GCC2: variants seen among roughly 807,000 people sequenced by gnomAD.
GCC2 encodes GRIP and coiled-coil domain-containing protein 2.
Under a neutral mutation model 210.6 loss-of-function variants are expected in GCC2, and 120 were observed. The observed-to-expected ratio is 0.57, with a 90% CI of 0.49 to 0.66. The LOEUF (loss-of-function observed/expected upper bound fraction) is 0.66, where lower values mean the gene tolerates loss of function less well. GCC2 is among the 30% of genes least tolerant of loss of function. GCC2 has a pLI of 0.00. For synonymous variants in GCC2, 703 were observed against 652.7 expected, an observed-to-expected ratio of 1.08 and a Z score of -1.17; for missense variants, 1,868 against 1,871.9, an observed-to-expected ratio of 1.00 and a Z score of 0.04.
At chr2:108,507,407 C>T (rs1683246520) in intron 22 of GCC2, 153 bp from the exon 23 acceptor site, 2 of 298,800 alleles carry the variant, frequency 6.7e-6, no homozygotes, top group Non-Finnish European at 1.2e-5. Context: ...AAAAAAGAAC[C>T]CCCCCCCCCA....
At chr2:108,469,226 G>GA (rs1464166790) in intron 5 of GCC2, 142 bp downstream of exon 5, 4 of 505,016 alleles carry the variant, frequency 7.9e-6, no homozygotes, top group East Asian at 3.0e-5. Flanking sequence ...GATTTTAAAA[G>GA]AAAAATAACT....
Position 108,481,738 on chromosome 2 carries a change from T to G in GCC2, c.3102T>G (p.Asp1034Glu). 6.2e-7 allele frequency: 1 copy of G among 1,602,166 alleles called. No homozygotes were observed. Among genetic ancestry groups the G allele is most frequent in the Non-Finnish European group, 8.5e-7 (1 of 1,172,082 alleles). The change falls in exon 10 of 23, where the codon GAT becomes GAG. Residue 1034 changes from aspartate (D) to glutamate (E), a missense_variant. By Grantham distance (45) the Asp-to-Glu change is conservative. Coordinates refer to ENST00000309863, the MANE Select transcript of GCC2 (RefSeq NM_181453.4). ...ATGAAAAGCAGTCAGAGCAACTGGA[T>G]GTGGAAAAAGAACGTGCTAATAATT... ...LEYEKQSEQL[D>E]VEKERANNFE...
rs2718698 is a variant in GCC2, at chr2:108,483,116, C to G, written c.3400C>G (p.Gln1134Glu). ...LEELQVQLQK[Q>E]KKQLQKTMQE... ...AGAACTTCAGGTACAACTTCAAAAG[C>G]AAAAGAAACAGCTTCAGAAAACCAT... Residue 1134 changes from glutamine (Q) to glutamate (E), a missense_variant, in exon 12 of 23, where the codon CAA becomes GAA. Gln to Glu is a conservative substitution (Grantham distance 29). Coordinates refer to ENST00000309863, the MANE Select transcript of GCC2 (RefSeq NM_181453.4). The G allele has an allele frequency of 0.99, 1,575,720 of 1,594,324 alleles. 778,714 individuals carry two copies. The highest frequency in any genetic ancestry group is 1 in the East Asian group (44,810 of 44,810).
chr2:108,487,904 T>TC (rs1682227717), intron 17 of GCC2, 84 bp downstream of exon 17: 1 of 1,080,482 alleles, frequency 9.3e-7, no homozygotes, highest in East Asian at 3.3e-5. Flanking sequence ...ATTATGATTT[T>TC]TTTTTTTTTT....
At chr2:108,480,658 C>CT (rs1446086355) in intron 9 of GCC2, among the ~76,000 whole-genome samples, 5 of 152,124 alleles carry the variant, frequency 3.3e-5, no homozygotes, top group African/African-American at 1.2e-4. Context: ...GAACGGAAAA[C>CT]TAAATACCAC....
chr2:108,476,748 G>T (rs868793152), intron 9 of GCC2, among the ~76,000 whole-genome samples: 1 of 152,096 alleles, frequency 6.6e-6, no homozygotes, highest in Non-Finnish European at 1.5e-5. Context: ...TCTGAGTTCT[G>T]GGGCAGGTTG....
At chr2:108,464,721 C>T (rs1680783616) in intron 4 of GCC2, among the ~76,000 whole-genome samples, 2 of 151,968 alleles carry the variant, frequency 1.3e-5, no homozygotes, top group South Asian at 4.2e-4. Context: ...TACCAGAGGT[C>T]TATGGGAAAA....
chr2:108,500,624 T>C (rs904119596), intron 22 of GCC2, among the ~76,000 whole-genome samples: 3 of 152,242 alleles, frequency 2.0e-5, no homozygotes, highest in African/African-American at 7.2e-5. Flanking sequence ...CATATACAAC[T>C]GCTATAGTTA....
At chr2:108,473,157 C>T in intron 7 of GCC2, 1 of 360,172 alleles carries the variant, frequency 2.8e-6, no homozygotes, top group Non-Finnish European at 5.0e-6. Context: ...ATTTTTCATT[C>T]ATTTAGCAAA....
intron 4 of GCC2, among the ~76,000 whole-genome samples, chr2:108,456,611 T>A (rs1407973243): frequency 6.6e-6 from 1 of 152,212 alleles, no homozygotes; most frequent in Non-Finnish European, 1.5e-5. Context: ...ATGAGTAGAT[T>A]GCAAATATTT....
chr2:108,487,692 G>T lies in GCC2; in HGVS notation c.3931-7G>T. ...AGAAAAACGTTTCTCTCTTTTAAAT[G>T]TTATAGGCAGAACAAGCTACTGTAA... On this transcript the variant is annotated splice_polypyrimidine_tract_variant and splice_region_variant and intron_variant, in intron 16 of 22. Coordinates refer to ENST00000309863, the MANE Select transcript of GCC2 (RefSeq NM_181453.4). 6.2e-7 allele frequency: 1 copy of T among 1,609,532 alleles called. No homozygotes were observed. Among genetic ancestry groups the T allele is most frequent in the Non-Finnish European group, 8.5e-7 (1 of 1,178,274 alleles).
chr2:108,450,936 A>G (rs1486898350), intron 2 of GCC2, 92 bp from the exon 3 acceptor site: 4 of 786,320 alleles, frequency 5.1e-6, no homozygotes, highest in Non-Finnish European at 2.2e-6. Flanking sequence ...ATTCTGTAGA[A>G]TGTTTTTGTT....
Position 108,484,110 on chromosome 2 carries a change from TCTA to T in GCC2, c.3451-35_3451-33del. ...AAAAAAAAATTTACAAATGAACTGA[TCTA>T]CTATTGTGTAAATCTTTTACTTATA... On this transcript the variant is annotated intron_variant, in intron 12 of 22. Transcript: ENST00000309863. 3 of 1,412,266 alleles carry T rather than the reference TCTA, an allele frequency of 2.1e-6. No homozygotes were observed. In the Admixed American group the frequency reaches 7.4e-5, roughly 35 times the overall value. 87.5% of individuals were successfully genotyped at this position (1,412,266 alleles called of 1,614,324 possible). A position where few individuals can be genotyped will look rare whatever the true frequency, so the allele number is the denominator to read the frequency against.
At chr2:108,492,146 T>G (rs917979734) in intron 18 of GCC2, among the ~76,000 whole-genome samples, 3 of 151,902 alleles carry the variant, frequency 2.0e-5, no homozygotes, top group South Asian at 4.2e-4. Context: ...GTGGGGTTTT[T>G]TTTTTTTTTA....
chr2:108,468,928 G>A, intron 4 of GCC2, 52 bp from the exon 5 acceptor site: 4 of 1,141,786 alleles, frequency 3.5e-6, no homozygotes, highest in Admixed American at 1.7e-5. Context: ...TTACGCATGT[G>A]GTCAATCCAC....
intron 4 of GCC2, among the ~76,000 whole-genome samples, chr2:108,454,282 G>A (rs1181367672): frequency 1.3e-5 from 2 of 152,158 alleles, no homozygotes; most frequent in East Asian, 1.9e-4. Context: ...GAGCCACTGC[G>A]CCCAGCCTGG....
At chr2:108,452,934 C>T (rs531257438) in intron 4 of GCC2, among the ~76,000 whole-genome samples, 4 of 152,210 alleles carry the variant, frequency 2.6e-5, no homozygotes, top group East Asian at 1.9e-4. Context: ...CCTCACGATC[C>T]GCCCGCCTCA....
chr2:108,491,904 T>C (rs1682422332), intron 18 of GCC2, among the ~76,000 whole-genome samples: 1 of 152,038 alleles, frequency 6.6e-6, no homozygotes, highest in South Asian at 2.1e-4. Flanking sequence ...AAAAATCACA[T>C]TGAAAACTAC....
chr2:108,504,873 G>A (rs1161248312), intron 22 of GCC2, among the ~76,000 whole-genome samples: 3 of 151,682 alleles, frequency 2.0e-5, no homozygotes, highest in Admixed American at 6.6e-5. Context: ...AAATAAAGAC[G>A]AAAAAAAAGC....
Sources: gnomAD v4.1 joint callset for allele counts (sites outside exome capture counted in the v4.1 genomes callset) on GRCh38, gnomAD v4.1.1 for gene constraint, MANE v1.5 for transcripts, NCBI Gene and HGNC (gene_info 2026-07-23, HGNC 2026-07-21) for gene names.